DNAAF8: variants seen among roughly 807,000 people sequenced by gnomAD.
DNAAF8 encodes dynein axonemal assembly factor 8, also known as dynein axonemal-associated protein 1.
A neutral mutation model predicts 54.6 loss-of-function variants in DNAAF8; 61 were observed. That is an observed-to-expected ratio of 1.12 (90% CI 0.91 to 1.38). DNAAF8 has a LOEUF of 1.38. DNAAF8 is among the 40% of genes most tolerant of loss of function. The pLI is 0.00. For missense variants in DNAAF8, 837 were observed against 665.0 expected (o/e 1.26, Z -2.85); for synonymous variants, 320 against 270.1 (o/e 1.18, Z -1.81).
In DNAAF8 at chr16:4,740,621, G is replaced by A. The variant is rs372952225; in HGVS notation, c.745G>A (p.Val249Met). Residue 249 changes from valine to methionine, a missense_variant, in exon 4 of 10, where the codon GTG (valine) becomes ATG (methionine). Transcript: ENST00000299320. ...AGCTCCCAGATCCAAAATGCCCCTC[G>A]TGGAGCCTCCGGAGGGACCACCAGT... Reference protein sequence around the residue: ...ESAPRSKMPLVEPPEGPPVLS... With the variant: ...ESAPRSKMPLMEPPEGPPVLS... 9 of 1,610,890 alleles carry A rather than the reference G, an allele frequency of 5.6e-6. No individual in the cohort carries two copies. Among genetic ancestry groups the A allele is most frequent in the Middle Eastern group, 3.3e-4 (2 of 6,052 alleles).
At position 4,746,502 on chromosome 16, in the gene DNAAF8, T is replaced by A; in HGVS notation, c.1171T>A (p.Ser391Thr). The change falls in exon 7 of 10, where the codon TCC (serine) becomes ACC (threonine). Residue 391 changes from serine to threonine, a missense_variant. Ser to Thr is a moderately conservative substitution (Grantham distance 58). Transcript: ENST00000299320. ...GCAGATGGAGCTACCAGACCACCTG[T>A]CCCCAGAAAGGTCCGGAGGGCAGTG... The part of the protein sequence containing the change: ...LRQMELPDHL[S>T]PESSSHSSSD... 1.2e-6 allele frequency: 2 copies of A among 1,613,544 alleles called. No individual in the cohort carries two copies. Among genetic ancestry groups the A allele is most frequent in the Non-Finnish European group, 1.7e-6 (2 of 1,179,944 alleles).
At chr16:4,735,528 C>T (rs920568483) in intron 1 of DNAAF8, among the ~76,000 whole-genome samples, 2 of 152,044 alleles carry the variant, frequency 1.3e-5, no homozygotes, top group African/African-American at 4.8e-5. Flanking sequence ...CTCTAGAGGA[C>T]CCTCACCCCC....
At chr16:4,743,499 C>G (rs556926036) in intron 5 of DNAAF8, 47 of 143,174 alleles carry the variant, frequency 3.3e-4, no homozygotes, top group African/African-American at 1.4e-3. Flanking sequence ...GGAAGGAAGC[C>G]CCACCTTCTG....
At chr16:4,746,654 C>T (rs753806838) in intron 7 of DNAAF8, 142 bp downstream of exon 7, 2 of 1,180,242 alleles carry the variant, frequency 1.7e-6, no homozygotes, top group African/African-American at 3.1e-5. Flanking sequence ...AAAGTGCTGG[C>T]CTACAGTCCC....
chr16:4,736,414 C>A, intron 1 of DNAAF8, 50 bp from the exon 2 acceptor site: 4 of 1,302,828 alleles, frequency 3.1e-6, no homozygotes, highest in Non-Finnish European at 4.0e-6. Context: ...CCCTGCTCTC[C>A]TGACCTTCAG....
chr16:4,745,056 G>A, intron 6 of DNAAF8, 45 bp downstream of exon 6: 1 of 1,592,578 alleles, frequency 6.3e-7, no homozygotes, highest in Non-Finnish European at 8.6e-7. Context: ...CTTTAGAATG[G>A]CCCCATGGTT....
chr16:4,742,962 G>T, intron 4 of DNAAF8, 81 bp from the exon 5 acceptor site: 1 of 1,117,432 alleles, frequency 8.9e-7, no homozygotes, highest in African/African-American at 1.6e-5. Flanking sequence ...CATCTCCATG[G>T]GTCACAGCAG....
At chr16:4,746,897 A>G (rs2082023965) in intron 7 of DNAAF8, 30 bp from the exon 8 acceptor site, 2 of 1,514,492 alleles carry the variant, frequency 1.3e-6, no homozygotes, top group African/African-American at 1.4e-5. Context: ...TGGAGTGGGC[A>G]CATCCAGAAA....
chr16:4,737,986 G>C (rs859310), intron 3 of DNAAF8, 40 bp downstream of exon 3: 4 of 1,596,146 alleles, frequency 2.5e-6, no homozygotes, highest in African/African-American at 2.7e-5. Context: ...GTGTGTGTGC[G>C]ATGTTAGTCT....
intron 5 of DNAAF8, 84 bp from the exon 6 acceptor site, chr16:4,744,786 C>A: frequency 6.7e-7 from 1 of 1,488,286 alleles, no homozygotes. Context: ...ATGTGGAGAC[C>A]CCAGGGGTCC....
rs189067384 is a variant in DNAAF8, at chr16:4,742,462, G to A, written c.784-581G>A. Among the ~76,000 whole-genome samples, 294 of 151,508 alleles carry A rather than the reference G, an allele frequency of 1.9e-3. 1 individual carries two copies. The highest frequency in any genetic ancestry group is 3.4e-3 in the Middle Eastern group (1 of 294). On this transcript the variant is annotated intron_variant, in intron 4 of 9. Coordinates refer to ENST00000299320, the MANE Select transcript of DNAAF8 (RefSeq NM_139170.3). ...TCTCAGCACTTTGGGAGGTGAAGGC[G>A]GAGGTGGAGGCAGGTGGATCACCTG...
chr16:4,740,828 C>T (rs1180550754), intron 4 of DNAAF8, among the ~76,000 whole-genome samples, 169 bp downstream of exon 4: 1 of 152,096 alleles, frequency 6.6e-6, no homozygotes, highest in Non-Finnish European at 1.5e-5. Context: ...AGGGTCCCAG[C>T]AGAGCACATC....
intron 5 of DNAAF8, 43 bp from the exon 6 acceptor site, chr16:4,744,827 G>T: frequency 6.3e-7 from 1 of 1,587,628 alleles, no homozygotes; most frequent in Non-Finnish European, 8.6e-7. Context: ...GTCACAAGTG[G>T]GCCAAGTCCC....
intron 5 of DNAAF8, chr16:4,743,378 G>C (rs1226970361): frequency 6.6e-6 from 3 of 452,768 alleles, no homozygotes; most frequent in African/African-American, 2.1e-5. Context: ...GCGTGGGCCA[G>C]GTCCTAGGGA....
At chr16:4,742,140 C>T (rs2081966945) in intron 4 of DNAAF8, among the ~76,000 whole-genome samples, 2 of 152,222 alleles carry the variant, frequency 1.3e-5, no homozygotes, top group Non-Finnish European at 2.9e-5. Flanking sequence ...CCCCTAAGCA[C>T]TCACTGCCAA....
intron 5 of DNAAF8, 36 bp downstream of exon 5, chr16:4,743,196 C>CA (rs1300086863): frequency 6.9e-7 from 1 of 1,445,656 alleles, no homozygotes; most frequent in African/African-American, 1.4e-5. Flanking sequence ...CGTGAATCCC[C>CA]ACAAGCAGCA....
chr16:4,736,280 AACAC>A (rs1027442329), intron 1 of DNAAF8, among the ~76,000 whole-genome samples, 180 bp from the exon 2 acceptor site: 16 of 151,682 alleles, frequency 1.1e-4, no homozygotes, highest in African/African-American at 2.4e-4. Context: ...CATGAGTGGG[AACAC>A]ACACACACAC....
In DNAAF8 at chr16:4,737,936, C is replaced by T. The variant is rs867982424; in HGVS notation, c.266C>T (p.Ser89Phe). 2 of 1,614,076 alleles carry T rather than the reference C, an allele frequency of 1.2e-6. No individual in the cohort carries two copies. Among genetic ancestry groups the T allele is most frequent in the Non-Finnish European group, 1.7e-6 (2 of 1,180,030 alleles). Residue 89 changes from serine (S) to phenylalanine (F), a missense_variant, in exon 3 of 10, where the codon TCC (serine) becomes TTC (phenylalanine). Transcript: ENST00000299320. ...GCCTGGGTCGCTGCAGCTGAAGAGT[C>T]CCTTCCCGAGGTCTGTGGGACACAG... The part of the protein sequence containing the change: ...SRAWVAAAEE[S>F]LPEPVLVPAE...
intron 9 of DNAAF8, among the ~76,000 whole-genome samples, chr16:4,747,902 CAGG>C (rs2082038380): frequency 6.6e-6 from 1 of 152,174 alleles, no homozygotes; most frequent in South Asian, 2.1e-4. Flanking sequence ...GCAGGGACAG[CAGG>C]AGGACGGGGT....
Sources: gnomAD v4.1 joint callset for allele counts (sites outside exome capture counted in the v4.1 genomes callset) on GRCh38, gnomAD v4.1.1 for gene constraint, MANE v1.5 for transcripts, NCBI Gene and HGNC (gene_info 2026-07-23, HGNC 2026-07-21) for gene names.